Variants in ATRNL1 observed in about 807,000 individuals in gnomAD.
The protein encoded by ATRNL1 is attractin-like protein 1.
ATRNL1 carries 95 observed loss-of-function variants against 182.7 expected under a neutral mutation model. The observed-to-expected ratio is 0.52, with a 90% CI of 0.44 to 0.62. The LOEUF (loss-of-function observed/expected upper bound fraction) is 0.62. ATRNL1 is among the 20% of genes least tolerant of loss of function. The probability of loss-of-function intolerance (pLI) is 0.00; values close to 1 mark genes in which losing one functional copy is unlikely to be tolerated. For missense variants in ATRNL1, 1,471 were observed against 1,679.5 expected, an observed-to-expected ratio of 0.88 and a Z score of 2.17; for synonymous variants, 576 against 568.3, an observed-to-expected ratio of 1.01 and a Z score of -0.19.
At chr10:115,412,287 A>C (rs1845178758) in intron 20 of ATRNL1, among the ~76,000 whole-genome samples, 1 of 152,114 alleles carries the variant, frequency 6.6e-6, no homozygotes, top group Admixed American at 6.6e-5. Flanking sequence ...TTTTGCCAAA[A>C]ACCTGAGGGA....
intron 10 of ATRNL1, among the ~76,000 whole-genome samples, chr10:115,242,531 A>G (rs546506976): frequency 7.4e-4 from 112 of 152,092 alleles, no homozygotes; most frequent in African/African-American, 2.6e-3. Context: ...ATAAAGTATT[A>G]TACCAATTTG....
intron 17 of ATRNL1, among the ~76,000 whole-genome samples, chr10:115,308,334 A>C (rs1592419816): frequency 6.6e-6 from 1 of 152,266 alleles, no homozygotes; most frequent in Admixed American, 6.5e-5. Flanking sequence ...TGTTTAAAGA[A>C]AAATAGGAGA....
intron 9 of ATRNL1, among the ~76,000 whole-genome samples, chr10:115,228,576 C>T (rs1849793149): frequency 6.6e-6 from 1 of 152,008 alleles, no homozygotes; most frequent in Admixed American, 6.6e-5. Flanking sequence ...ATTTTCTTGG[C>T]CTATTGTTTA....
intron 26 of ATRNL1, among the ~76,000 whole-genome samples, chr10:115,625,717 A>G (rs537819059): frequency 2.2e-4 from 33 of 152,228 alleles, no homozygotes; most frequent in African/African-American, 7.2e-4. Context: ...CAATTTAATC[A>G]AGAACCTATT....
chr10:115,136,809 A>G (rs1421042117), intron 5 of ATRNL1, among the ~76,000 whole-genome samples: 1 of 152,190 alleles, frequency 6.6e-6, no homozygotes, highest in Non-Finnish European at 1.5e-5. Flanking sequence ...ATTCCATTAT[A>G]TGGATGTACC....
chr10:115,196,684 G>A (rs1190176895), intron 8 of ATRNL1, among the ~76,000 whole-genome samples: 1 of 151,926 alleles, frequency 6.6e-6, no homozygotes, highest in Non-Finnish European at 1.5e-5. Context: ...TTACTAAATG[G>A]TATTTAAAAA....
chr10:115,666,572 A>G (rs946119727), intron 26 of ATRNL1, among the ~76,000 whole-genome samples: 24 of 152,142 alleles, frequency 1.6e-4, no homozygotes, highest in Non-Finnish European at 3.1e-4. Context: ...TGCTATAGCT[A>G]TGCCTCATAT....
intron 17 of ATRNL1, among the ~76,000 whole-genome samples, chr10:115,313,158 A>G (rs1242078448): frequency 7.0e-6 from 1 of 142,288 alleles, no homozygotes; most frequent in African/African-American, 2.6e-5. Flanking sequence ...GTTTGGATCT[A>G]TTGCTGAAGA....
intron 3 of ATRNL1, among the ~76,000 whole-genome samples, chr10:115,125,499 T>A (rs12218477): frequency 0.21 from 31,626 of 151,202 alleles, 4,152 homozygotes; most frequent in Non-Finnish European, 0.3. Context: ...AAGTGTTATT[T>A]TTTTTTTTTT....
chr10:115,142,076 C>A (rs1166656877), intron 5 of ATRNL1, among the ~76,000 whole-genome samples: 1 of 152,064 alleles, frequency 6.6e-6, no homozygotes, highest in Non-Finnish European at 1.5e-5. Flanking sequence ...AACTTACATT[C>A]AAGCTAGGAG....
chr10:115,133,289 A>G lies in ATRNL1; in HGVS notation c.829+3754A>G, dbSNP rs547497867. Among the ~76,000 whole-genome samples the G allele has an allele frequency of 9.9e-5, 15 of 152,228 alleles. No homozygotes were observed. The South Asian group carries it at 1.9e-3, about 19-fold the overall frequency. On this transcript the variant is annotated intron_variant, in intron 5 of 28. Coordinates refer to ENST00000355044, the MANE Select transcript of ATRNL1 (RefSeq NM_207303.4). ...GGGCTCTGTTCTGTTCCATTGGTCT[A>G]TATCTCTGTTTTGATACCAGTACCA...
chr10:115,333,779 G>A (rs770019653), intron 18 of ATRNL1, among the ~76,000 whole-genome samples: 4 of 151,912 alleles, frequency 2.6e-5, no homozygotes, highest in African/African-American at 7.3e-5. Flanking sequence ...GAGCCACCAC[G>A]CCTGGCTCAA....
At chr10:115,562,523 C>T (rs1191212283) in intron 26 of ATRNL1, among the ~76,000 whole-genome samples, 2 of 152,112 alleles carry the variant, frequency 1.3e-5, no homozygotes, top group African/African-American at 4.8e-5. Flanking sequence ...CTGTGTCCCA[C>T]CCAAATTTCA....
chr10:115,458,507 C>T (rs1438491287), intron 21 of ATRNL1, among the ~76,000 whole-genome samples: 3 of 151,840 alleles, frequency 2.0e-5, no homozygotes, highest in African/African-American at 7.3e-5. Context: ...TTGATCATTA[C>T]CATACACAAG....
chr10:115,116,171 G>T (rs1844477229), intron 1 of ATRNL1, among the ~76,000 whole-genome samples: 1 of 152,016 alleles, frequency 6.6e-6, no homozygotes, highest in African/African-American at 2.4e-5. Flanking sequence ...GTGTAGTTGT[G>T]TTCCAATAAA....
At chr10:115,362,272 A>T (rs1343641455) in intron 19 of ATRNL1, among the ~76,000 whole-genome samples, 1 of 152,114 alleles carries the variant, frequency 6.6e-6, no homozygotes, top group African/African-American at 2.4e-5. Flanking sequence ...AAATTGATGA[A>T]AATTTGGGCT....
intron 27 of ATRNL1, among the ~76,000 whole-genome samples, chr10:115,789,119 TC>T (rs1335220790): frequency 5.9e-5 from 9 of 152,218 alleles, no homozygotes; most frequent in Admixed American, 4.6e-4. Flanking sequence ...TTCAGTGAAT[TC>T]GTCTTTTGCA....
At chr10:115,605,670 C>A (rs1555017387) in intron 26 of ATRNL1, among the ~76,000 whole-genome samples, 1 of 151,812 alleles carries the variant, frequency 6.6e-6, no homozygotes, top group East Asian at 1.9e-4. Flanking sequence ...TATTATACAA[C>A]AATGAATAAT....
intron 28 of ATRNL1, among the ~76,000 whole-genome samples, chr10:115,938,256 A>G (rs1953621603): frequency 6.6e-6 from 1 of 152,186 alleles, no homozygotes; most frequent in African/African-American, 2.4e-5. Context: ...TGCTATTACC[A>G]TTTCACTTCC....
Sources: gnomAD v4.1 joint callset for allele counts (sites outside exome capture counted in the v4.1 genomes callset) on GRCh38, gnomAD v4.1.1 for gene constraint, MANE v1.5 for transcripts, NCBI Gene and HGNC (gene_info 2026-07-23, HGNC 2026-07-21) for gene names.